Variants in DLGAP4 observed in about 807,000 individuals in gnomAD.
DLGAP4 encodes the protein DLG associated protein 4.
A neutral mutation model predicts 86.9 loss-of-function variants in DLGAP4; 18 were observed. The ratio of observed to expected loss-of-function variants is 0.21; its 90% CI spans 0.14 to 0.31. The LOEUF (loss-of-function observed/expected upper bound fraction) is 0.31, where lower values mean the gene tolerates loss of function less well. Ranked by LOEUF, DLGAP4 falls within the 10% of genes least tolerant of loss-of-function variation. DLGAP4 has a pLI of 1.00. For missense variants in DLGAP4, 1,085 were observed against 1,362.6 expected, an observed-to-expected ratio of 0.80 and a Z score of 3.21; for synonymous variants, 548 against 574.3, an observed-to-expected ratio of 0.95 and a Z score of 0.65.
intron 1 of DLGAP4, among the ~76,000 whole-genome samples, chr20:36,347,293 T>TAGAAGCA (rs1179953001): frequency 6.6e-6 from 1 of 152,142 alleles, no homozygotes; most frequent in African/African-American, 2.4e-5. Context: ...AGGATCAGAT[T>TAGAAGCA]AGAAGCAAGG....
At chr20:36,356,851 G>A (rs2030346692) in intron 1 of DLGAP4, among the ~76,000 whole-genome samples, 1 of 152,048 alleles carries the variant, frequency 6.6e-6, no homozygotes, top group African/African-American at 2.4e-5. Context: ...CAGTCATCAG[G>A]ACAGAAATCT....
At chr20:36,509,185 G>A (rs527489925) in intron 10 of DLGAP4, among the ~76,000 whole-genome samples, 9 of 152,328 alleles carry the variant, frequency 5.9e-5, no homozygotes, top group Non-Finnish European at 1.0e-4. Context: ...CACTTTGGGA[G>A]GCTGACGTGG....
At chr20:36,453,993 G>A (rs970271446) in intron 7 of DLGAP4, among the ~76,000 whole-genome samples, 3 of 149,132 alleles carry the variant, frequency 2.0e-5, no homozygotes, top group African/African-American at 7.4e-5. Context: ...AAAAGAGTCC[G>A]GGCACAGTGG....
At chr20:36,475,234 T>C (rs2034856644) in intron 7 of DLGAP4, among the ~76,000 whole-genome samples, 1 of 151,950 alleles carries the variant, frequency 6.6e-6, no homozygotes, top group South Asian at 2.1e-4. Flanking sequence ...TTTTTTGAGA[T>C]GGAGTCCCGC....
intron 2 of DLGAP4, among the ~76,000 whole-genome samples, chr20:36,384,028 A>T (rs1272519108): frequency 6.6e-6 from 1 of 151,712 alleles, no homozygotes; most frequent in Non-Finnish European, 1.5e-5. Flanking sequence ...ACCTGGAAGT[A>T]GCTTCTCAGG....
At chr20:36,317,273 TTCTTATCTTTCTTTCTTTCTTA>T (rs1366354076) in intron 1 of DLGAP4, among the ~76,000 whole-genome samples, 310 of 9,900 alleles carry the variant, frequency 0.031, 7 homozygotes, top group African/African-American at 0.13. Flanking sequence ...CTTTCTTTCT[TTCTTATCTTTCTTTCTTTCTTA>T]TCTTTCTTTC....
At chr20:36,397,418 AC>A (rs920069015) in intron 2 of DLGAP4, among the ~76,000 whole-genome samples, 26 of 152,190 alleles carry the variant, frequency 1.7e-4, no homozygotes, top group African/African-American at 5.8e-4. Flanking sequence ...AGCCTGCAGG[AC>A]CCAAAGATAC....
At chr20:36,430,730 G>C (rs1460540642) in intron 2 of DLGAP4, among the ~76,000 whole-genome samples, 1 of 151,692 alleles carries the variant, frequency 6.6e-6, no homozygotes, top group African/African-American at 2.4e-5. Flanking sequence ...CAAGGTGGGC[G>C]GATCACTTGA....
At chr20:36,318,786 G>A (rs1569453194) in intron 1 of DLGAP4, among the ~76,000 whole-genome samples, 2 of 152,284 alleles carry the variant, frequency 1.3e-5, no homozygotes, top group East Asian at 3.9e-4. Flanking sequence ...GGTGTTCATA[G>A]CAGTGATTGT....
At chr20:36,383,964 A>G (rs1160084014) in intron 2 of DLGAP4, among the ~76,000 whole-genome samples, 6 of 150,548 alleles carry the variant, frequency 4.0e-5, no homozygotes, top group African/African-American at 1.5e-4. Context: ...GGCCTGGGTG[A>G]AAGAGCGAGA....
chr20:36,395,258 G>A (rs1430443688), intron 2 of DLGAP4, among the ~76,000 whole-genome samples: 2 of 152,126 alleles, frequency 1.3e-5, no homozygotes, highest in Non-Finnish European at 2.9e-5. Context: ...AGAAGGTATT[G>A]TTGCATGACA....
In DLGAP4 at chr20:36,407,521, G is replaced by A. The variant is rs536298921; in HGVS notation, c.-72-24125G>A. On this transcript the variant is annotated intron_variant, in intron 2 of 12. Coordinates refer to ENST00000339266, the MANE Select transcript of DLGAP4 (RefSeq NM_001365621.2). Reference sequence around the variant, plus strand: ...TGGGAGAGAAGACTCCAGAGTTGCTGGAGGGGTGACTCAAGCACCATGTAG... The same window carrying A: ...TGGGAGAGAAGACTCCAGAGTTGCTAGAGGGGTGACTCAAGCACCATGTAG... Among the ~76,000 whole-genome samples, 11 of 152,240 alleles carry A rather than the reference G, an allele frequency of 7.2e-5. No individual in the cohort carries two copies. In the South Asian group the frequency reaches 2.3e-3, roughly 32 times the overall value.
chr20:36,511,283 G>C (rs2036679209), intron 10 of DLGAP4, among the ~76,000 whole-genome samples: 2 of 152,162 alleles, frequency 1.3e-5, no homozygotes, highest in Admixed American at 1.3e-4. Flanking sequence ...GCTCATTACA[G>C]CCTCAGCCTC....
intron 11 of DLGAP4, 48 bp from the exon 12 acceptor site, chr20:36,525,803 G>C: frequency 6.2e-7 from 1 of 1,605,150 alleles, no homozygotes; most frequent in South Asian, 1.1e-5. Context: ...GGGGGAGCAG[G>C]ACAAGCCTCT....
chr20:36,426,732 A>G (rs911227368), intron 2 of DLGAP4, among the ~76,000 whole-genome samples: 6 of 152,182 alleles, frequency 3.9e-5, no homozygotes, highest in Non-Finnish European at 8.8e-5. Context: ...TTTATGTTAC[A>G]TGTATTTTGC....
chr20:36,391,735 G>A (rs1001907627), intron 2 of DLGAP4, among the ~76,000 whole-genome samples: 1 of 152,292 alleles, frequency 6.6e-6, no homozygotes, highest in Middle Eastern at 3.4e-3. Context: ...ATAGTGCTGG[G>A]GGGTAGGATT....
At chr20:36,425,051 G>T (rs1005747496) in intron 2 of DLGAP4, among the ~76,000 whole-genome samples, 4 of 152,164 alleles carry the variant, frequency 2.6e-5, no homozygotes, top group Non-Finnish European at 5.9e-5. Context: ...ATGCTGGGGG[G>T]AAGGGAAGCC....
intron 1 of DLGAP4, among the ~76,000 whole-genome samples, chr20:36,341,190 C>A (rs1555892457): frequency 6.6e-6 from 1 of 152,212 alleles, no homozygotes; most frequent in African/African-American, 2.4e-5. Flanking sequence ...CTCGGCCCGG[C>A]CATCTCTTCT....
chr20:36,508,470 A>G (rs558117246), intron 10 of DLGAP4, among the ~76,000 whole-genome samples: 9 of 117,856 alleles, frequency 7.6e-5, no homozygotes, highest in South Asian at 4.9e-4. Flanking sequence ...CTCGTTACCT[A>G]GTCTGGAGTG....
Sources: allele counts gnomAD v4.1 joint callset (sites outside exome capture counted in the v4.1 genomes callset), GRCh38; gene constraint gnomAD v4.1.1; transcripts MANE v1.5; gene names NCBI Gene and HGNC (gene_info 2026-07-23, HGNC 2026-07-21).